Variants in SFRP5 observed in about 807,000 individuals in gnomAD.
SFRP5 encodes secreted frizzled-related protein 5.
A neutral mutation model predicts 27.0 loss-of-function variants in SFRP5; 22 were observed. The ratio of observed to expected loss-of-function variants is 0.82; its 90% confidence interval spans 0.58 to 1.17. The LOEUF is 1.17. Ranked by LOEUF, SFRP5 falls within the 50% of genes most tolerant of loss-of-function variation. The pLI is 0.00. For synonymous variants in SFRP5, 171 were observed against 195.0 expected (o/e 0.88, Z 1.03); for missense variants, 406 against 436.6 (o/e 0.93, Z 0.63).
At position 97,771,277 on chromosome 10, in the gene SFRP5, C is replaced by T; in HGVS notation, c.529+28G>A. ...TAGGGGAGCTGCAGGGCCGTCGGAG[C>T]GCGCGGGGACGGCGGCGGCGGCGCT... On this transcript the variant is annotated intron_variant, in intron 1 of 2. Transcript: ENST00000266066. This position sits in a 1 kb window ranked among gnomAD's most constrained non-coding sequence, Gnocchi z 5.2. 6.7e-7 allele frequency: 1 copy of T among 1,484,004 alleles called. No homozygotes were observed. The highest frequency in any genetic ancestry group is 9.0e-7 in the Non-Finnish European group (1 of 1,108,296). The allele number at this position is 1,484,004 out of a possible 1,614,324, so 91.9% of individuals were successfully genotyped here. A position where few individuals can be genotyped will look rare whatever the true frequency, so the allele number is the denominator to read the frequency against.
chr10:97,771,296 C>T lies in SFRP5; in HGVS notation c.529+9G>A. ...TCGGAGCGCGCGGGGACGGCGGCGG[C>T]GGCGCTACCTGGAGGCGCGGTGGCG... is the stretch of plus-strand genomic sequence containing the variant. On this transcript the variant is annotated intron_variant, in intron 1 of 2. Coordinates refer to ENST00000266066, the MANE Select transcript of SFRP5 (RefSeq NM_003015.3). This position sits in a 1 kb window ranked among gnomAD's most constrained non-coding sequence, Gnocchi z 5.2. 6 of 1,530,840 alleles carry T rather than the reference C, an allele frequency of 3.9e-6. No homozygotes were observed. Among genetic ancestry groups the T allele is most frequent in the Non-Finnish European group, 5.3e-6 (6 of 1,140,872 alleles). The allele number at this position is 1,530,840 out of a possible 1,614,324, so 94.8% of individuals were successfully genotyped here.
In SFRP5 at chr10:97,767,323, G is replaced by A; in HGVS notation, c.*191C>T. The A allele has an allele frequency of 1.9e-6, 1 of 540,150 alleles. No individual in the cohort carries two copies. Among genetic ancestry groups the A allele is most frequent in the Non-Finnish European group, 3.2e-6 (1 of 308,816 alleles). The allele number at this position is 540,150 out of a possible 1,614,324, so 33.5% of individuals were successfully genotyped here. On this transcript the variant is annotated 3_prime_UTR_variant, in exon 3 of 3. Transcript: ENST00000266066. ...AGAAGCCCTGCTCCTGAGAGAGGAA[G>A]CCCAACATCCCAGGGACCCCAGGAC...
chr10:97,767,702 GGCAGGGGCAGCCCGCGCCA>G lies in SFRP5; in HGVS notation c.747_765del (p.Gly250HisfsTer36). ...CTGCCCGCCAGGCTGTCCAGCTGTG[GGCAGGGGCAGCCCGCGCCA>G]TTCTTCATGTGCAGCACCAGCCGCT... On this transcript the variant is annotated frameshift_variant, in exon 3 of 3. Coordinates refer to ENST00000266066, the MANE Select transcript of SFRP5 (RefSeq NM_003015.3). LOFTEE classifies it high-confidence loss of function. The G allele has an allele frequency of 6.2e-7, 1 of 1,614,042 alleles. No individual in the cohort carries two copies. The highest frequency in any genetic ancestry group is 1.1e-5 in the South Asian group (1 of 91,064).
At chr10:97,768,197 G>C (rs1225394596) in intron 2 of SFRP5, among the ~76,000 whole-genome samples, 2 of 152,100 alleles carry the variant, frequency 1.3e-5, no homozygotes, top group Non-Finnish European at 2.9e-5. Context: ...GGGCTCCCCA[G>C]GGAGGGGATA....
At chr10:97,769,807 G>T in intron 1 of SFRP5, 62 bp from the exon 2 acceptor site, 1 of 1,184,348 alleles carries the variant, frequency 8.4e-7, no homozygotes, top group Non-Finnish European at 1.2e-6. Flanking sequence ...AGTTCCAAGA[G>T]CCACTTGGGG....
intron 2 of SFRP5, among the ~76,000 whole-genome samples, chr10:97,768,583 T>A (rs2049498546): frequency 6.6e-6 from 1 of 152,096 alleles, no homozygotes; most frequent in Non-Finnish European, 1.5e-5. Context: ...TGTATGTGTG[T>A]GAGAGAGAGA....
Position 97,771,951 on chromosome 10 carries a change from G to GCCGCCA in SFRP5, c.-119_-118insTGGCGG, listed in dbSNP as rs1282384091. The GCCGCCA allele has an allele frequency of 1.3e-6, 1 of 749,926 alleles. No individual in the cohort carries two copies. The highest frequency in any genetic ancestry group is 1.9e-5 in the African/African-American group (1 of 52,316). The allele number at this position is 749,926 out of a possible 1,614,324, so 46.5% of individuals were successfully genotyped here. A position where few individuals can be genotyped will look rare whatever the true frequency, so the allele number is the denominator to read the frequency against. On this transcript the variant is annotated 5_prime_UTR_variant, in exon 1 of 3. Coordinates refer to ENST00000266066, the MANE Select transcript of SFRP5 (RefSeq NM_003015.3). This position sits in a 1 kb window ranked among gnomAD's most constrained non-coding sequence, Gnocchi z 5.2. ...CTACCCAGCCGCCGCCGCCGCCGCC[G>GCCGCCA]CGGAGGTCGCCCAGGTGGGTGGCAG... is the stretch of plus-strand genomic sequence containing the variant.
Position 97,769,762 on chromosome 10 carries a change from G to T in SFRP5, c.530-17C>A. The T allele has an allele frequency of 6.2e-7, 1 of 1,601,750 alleles. No individual in the cohort carries two copies. Among genetic ancestry groups the T allele is most frequent in the African/African-American group, 1.3e-5 (1 of 74,824 alleles). On this transcript the variant is annotated splice_polypyrimidine_tract_variant and intron_variant, in intron 1 of 2. Coordinates refer to ENST00000266066, the MANE Select transcript of SFRP5 (RefSeq NM_003015.3). ...TCTTGGTCACTGAAGAGAGAAAGTGGGGTGGGGTTGGGGGACAGTTGGTGA... is the reference window on the plus strand; with the variant it reads ...TCTTGGTCACTGAAGAGAGAAAGTGTGGTGGGGTTGGGGGACAGTTGGTGA...
chr10:97,767,965 G>A, intron 2 of SFRP5, 105 bp from the exon 3 acceptor site: 1 of 782,598 alleles, frequency 1.3e-6, no homozygotes, highest in Non-Finnish European at 2.0e-6. Context: ...GGGGGAGCCT[G>A]ATGCCCTGCG....
Position 97,771,491 on chromosome 10 carries a change from CG to C in SFRP5, c.342del (p.Val115SerfsTer63). On this transcript the variant is annotated frameshift_variant, in exon 1 of 3. Transcript: ENST00000266066. LOFTEE classifies it high-confidence loss of function. This position sits in a 1 kb window ranked among gnomAD's most constrained non-coding sequence, Gnocchi z 5.2. ...GGGTAGATGGGCCGGTCGAGACAGA[CG>C]GGCGCAAAGAGCGAGCACAGGAAGA... The part of the protein sequence containing the change: ...TQVFLCSLFA[P>X]VCLDRPIYPC... 6.2e-7 allele frequency: 1 copy of C among 1,610,956 alleles called. No individual in the cohort carries two copies. The highest frequency in any genetic ancestry group is 2.2e-5 in the East Asian group (1 of 44,734).
Position 97,767,303 on chromosome 10 carries a change from C to G in SFRP5, c.*211G>C, listed in dbSNP as rs985812292. On this transcript the variant is annotated 3_prime_UTR_variant, in exon 3 of 3. Transcript: ENST00000266066. ...TGAGGTCTTCACCCAGATGAAGAAG[C>G]CCTGCTCCTGAGAGAGGAAGCCCAA... 5 of 514,506 alleles carry G rather than the reference C, an allele frequency of 9.7e-6. No individual in the cohort carries two copies. Among genetic ancestry groups the G allele is most frequent in the Non-Finnish European group, 1.4e-5 (4 of 294,096 alleles). 31.9% of individuals were successfully genotyped at this position (514,506 alleles called of 1,614,324 possible). A position where few individuals can be genotyped will look rare whatever the true frequency, so the allele number is the denominator to read the frequency against.
In SFRP5 at chr10:97,766,920, C is replaced by G. The variant is rs111783533; in HGVS notation, c.*594G>C. On this transcript the variant is annotated 3_prime_UTR_variant, in exon 3 of 3. Transcript: ENST00000266066. ...TCCCGGGAATCGAGCCGCGGGCGGACCAGAAGGGGGTCTATGCCGAGGCTG... is the reference window on the plus strand; with the variant it reads ...TCCCGGGAATCGAGCCGCGGGCGGAGCAGAAGGGGGTCTATGCCGAGGCTG... The G allele has an allele frequency of 0.026, 3,889 of 152,226 alleles. 150 individuals carry two copies. The highest frequency in any genetic ancestry group is 0.086 in the African/African-American group (3,557 of 41,396). The allele number at this position is 152,226 out of a possible 1,614,324, so 9.4% of individuals were successfully genotyped here. A position where few individuals can be genotyped will look rare whatever the true frequency, so the allele number is the denominator to read the frequency against.
rs1196455529 is a variant in SFRP5, at chr10:97,771,320, C to T, written c.514G>A (p.Ala172Thr). 1.3e-6 allele frequency: 2 copies of T among 1,574,974 alleles called. No homozygotes were observed. Among genetic ancestry groups the T allele is most frequent in the South Asian group, 2.3e-5 (2 of 87,082 alleles). Residue 172 changes from alanine (A) to threonine (T), a missense_variant, in exon 1 of 3, where the codon GCC becomes ACC. By Grantham distance (58) the Ala-to-Thr change is moderately conservative. Coordinates refer to ENST00000266066, the MANE Select transcript of SFRP5 (RefSeq NM_003015.3). The surrounding 1 kb of genome is among the most constrained non-coding windows in gnomAD (Gnocchi z 5.2). ...CIAVQFGHLP[A>T]TAPPVTKICA... ...GCGGCGCTACCTGGAGGCGCGGTGG[C>T]GGGCAGGTGCCCGAACTGCACGGCG... is the stretch of plus-strand genomic sequence containing the variant.
intron 1 of SFRP5, among the ~76,000 whole-genome samples, chr10:97,770,375 T>A (rs1308583360): frequency 6.6e-6 from 1 of 152,146 alleles, no homozygotes; most frequent in African/African-American, 2.4e-5. Flanking sequence ...CAGCCCTTAC[T>A]CCTATTTTGG....
At position 97,767,456 on chromosome 10, in the gene SFRP5, T is replaced by G; in HGVS notation, c.*58A>C. On this transcript the variant is annotated 3_prime_UTR_variant, in exon 3 of 3. Coordinates refer to ENST00000266066, the MANE Select transcript of SFRP5 (RefSeq NM_003015.3). ...CAGTAGGGCCGGGTCAGCCTGGAAG[T>G]TGGGGCGGGGCCAGAGGGCAAGCAA... is the stretch of plus-strand genomic sequence containing the variant. 1 of 1,374,078 alleles carries G rather than the reference T, an allele frequency of 7.3e-7. No homozygotes were observed. The allele number at this position is 1,374,078 out of a possible 1,614,324, so 85.1% of individuals were successfully genotyped here. A position where few individuals can be genotyped will look rare whatever the true frequency, so the allele number is the denominator to read the frequency against.
In SFRP5 at chr10:97,771,286, A is replaced by ACGG. The variant is rs961675836; in HGVS notation, c.529+16_529+18dup. The ACGG allele has an allele frequency of 9.3e-6, 14 of 1,506,046 alleles. No homozygotes were observed. Among genetic ancestry groups the ACGG allele is most frequent in the East Asian group, 4.9e-5 (2 of 40,892 alleles). The allele number at this position is 1,506,046 out of a possible 1,614,324, so 93.3% of individuals were successfully genotyped here. On this transcript the variant is annotated intron_variant, in intron 1 of 2. Transcript: ENST00000266066. This position sits in a 1 kb window ranked among gnomAD's most constrained non-coding sequence, Gnocchi z 5.2. ...TGCAGGGCCGTCGGAGCGCGCGGGG[A>ACGG]CGGCGGCGGCGGCGCTACCTGGAGG...
Position 97,771,341 on chromosome 10 carries a change from C to T in SFRP5, c.493G>A (p.Val165Met), listed in dbSNP as rs1386020526. The T allele has an allele frequency of 1.9e-6, 3 of 1,598,252 alleles. No individual in the cohort carries two copies. The South Asian group carries it at 3.3e-5, about 18-fold the overall frequency. Residue 165 changes from valine (V) to methionine (M), a missense_variant, in exon 1 of 3, where the codon GTG (valine) becomes ATG (methionine). Transcript: ENST00000266066. The surrounding 1 kb of genome is among the most constrained non-coding windows in gnomAD (Gnocchi z 5.2). ...GTGGCGGGCAGGTGCCCGAACTGCA[C>T]GGCGATGCAGAGGTCGTTGTCCAGG... The part of the protein sequence containing the change: ...FPLDNDLCIA[V>M]QFGHLPATAP...
In SFRP5 at chr10:97,767,378, C is replaced by T. The variant is rs2049490415; in HGVS notation, c.*136G>A. On this transcript the variant is annotated 3_prime_UTR_variant, in exon 3 of 3. Transcript: ENST00000266066. ...GGGTCAAAAAGGACAGCCTGGGCTC[C>T]GTGCCCATCCCTTAGGCCTTGTGCC... 5 of 667,802 alleles carry T rather than the reference C, an allele frequency of 7.5e-6. No homozygotes were observed. Among genetic ancestry groups the T allele is most frequent in the Admixed American group, 6.3e-5 (2 of 31,616 alleles). 41.4% of individuals were successfully genotyped at this position (667,802 alleles called of 1,614,324 possible). A position where few individuals can be genotyped will look rare whatever the true frequency, so the allele number is the denominator to read the frequency against.
chr10:97,770,506 T>G (rs116463070), intron 1 of SFRP5, among the ~76,000 whole-genome samples: 2,433 of 148,210 alleles, frequency 0.016, 54 homozygotes, highest in African/African-American at 0.05. Flanking sequence ...AAGGGGAGGC[T>G]GAGACCAGGG....
Sources: gnomAD v4.1 joint callset for allele counts (sites outside exome capture counted in the v4.1 genomes callset) on GRCh38, gnomAD v4.1.1 for gene constraint, Gnocchi (gnomAD v3.1) non-coding constraint, MANE v1.5 for transcripts, NCBI Gene and HGNC (gene_info 2026-07-23, HGNC 2026-07-21) for gene names.